Variants in EYA1 observed in about 807,000 individuals in gnomAD.
The protein encoded by EYA1 is EYA transcriptional coactivator and phosphatase 1, also known as protein phosphatase EYA1.
In EYA1, 16 loss-of-function variants were observed where a neutral mutation model predicts 82.0. That is an observed-to-expected ratio of 0.20 (90% CI 0.13 to 0.30). The LOEUF (loss-of-function observed/expected upper bound fraction) is 0.30, where lower values mean the gene tolerates loss of function less well. EYA1 is among the 10% of genes least tolerant of loss of function. The pLI is 1.00. For synonymous variants in EYA1, 261 were observed against 264.4 expected (o/e 0.99, Z 0.12); for missense variants, 633 against 730.7 (o/e 0.87, Z 1.54).
intron 2 of EYA1, among the ~76,000 whole-genome samples, chr8:71,355,549 T>A (rs1027784560): frequency 2.0e-5 from 3 of 152,218 alleles, no homozygotes; most frequent in African/African-American, 7.2e-5. Context: ...AACATTATGA[T>A]GTCGGCTCAC....
intron 12 of EYA1, among the ~76,000 whole-genome samples, chr8:71,238,717 C>T (rs952530178): frequency 5.9e-5 from 9 of 151,910 alleles, no homozygotes; most frequent in Non-Finnish European, 1.2e-4. Flanking sequence ...AGTTGATTTT[C>T]TTCAGTCTTC....
At chr8:71,378,597 G>C (rs1018673238) in intron 2 of EYA1, among the ~76,000 whole-genome samples, 1 of 152,022 alleles carries the variant, frequency 6.6e-6, no homozygotes, top group African/African-American at 2.4e-5. Flanking sequence ...AAGTATATAT[G>C]GGTTATACTT....
chr8:71,490,444 C>A (rs74598231), intron 2 of EYA1, among the ~76,000 whole-genome samples: 2,467 of 152,182 alleles, frequency 0.016, 72 homozygotes, highest in African/African-American at 0.056. Flanking sequence ...ATAAACAGAA[C>A]TATAAAGGCT....
chr8:71,397,861 C>T (rs1046667863), intron 2 of EYA1, among the ~76,000 whole-genome samples: 6 of 152,200 alleles, frequency 3.9e-5, no homozygotes, highest in African/African-American at 1.4e-4. Flanking sequence ...GGAAGTTCTC[C>T]TGGATAACAT....
chr8:71,458,508 G>T (rs1277624667), intron 2 of EYA1, among the ~76,000 whole-genome samples: 1 of 151,696 alleles, frequency 6.6e-6, no homozygotes, highest in Non-Finnish European at 1.5e-5. Flanking sequence ...TAACCACCAA[G>T]AACTGTTGAA....
chr8:71,373,780 TG>T (rs1828213284), intron 2 of EYA1, among the ~76,000 whole-genome samples: 1 of 152,128 alleles, frequency 6.6e-6, no homozygotes, highest in Admixed American at 6.5e-5. Flanking sequence ...GGTACTGGCC[TG>T]AAAACAGACA....
chr8:71,353,990 C>CA (rs1268869744), intron 3 of EYA1, among the ~76,000 whole-genome samples: 1 of 152,104 alleles, frequency 6.6e-6, no homozygotes, highest in Non-Finnish European at 1.5e-5. Flanking sequence ...CAATATGTAA[C>CA]ATATCTTTCC....
At chr8:71,263,449 CTT>C (rs1442249527) in intron 11 of EYA1, among the ~76,000 whole-genome samples, 3 of 152,326 alleles carry the variant, frequency 2.0e-5, no homozygotes, top group East Asian at 3.9e-4. Flanking sequence ...AGACAGATTT[CTT>C]TTGTTTGTGC....
intron 11 of EYA1, among the ~76,000 whole-genome samples, chr8:71,255,882 C>T (rs1046924853): frequency 6.6e-6 from 1 of 151,884 alleles, no homozygotes; most frequent in African/African-American, 2.4e-5. Flanking sequence ...AAAAAAAACC[C>T]TGATTTAAAA....
intron 2 of EYA1, among the ~76,000 whole-genome samples, chr8:71,457,997 G>A (rs928495373): frequency 6.6e-6 from 1 of 152,118 alleles, no homozygotes; most frequent in Non-Finnish European, 1.5e-5. Context: ...TTCAATTTTT[G>A]AGTCAGCATC....
At position 71,390,304 on chromosome 8, in the gene EYA1, T is replaced by C. The variant is rs139671102; in HGVS notation, c.34-33793A>G. Among the ~76,000 whole-genome samples the C allele has an allele frequency of 2.0e-3, 300 of 151,550 alleles. 1 individual carries two copies. Among genetic ancestry groups the C allele is most frequent in the African/African-American group, 6.8e-3 (279 of 41,280 alleles). ...TTTTTTTTTAGAGCCAGAGTCTCACTCTGTTGCCCAGGCTGGAGTGCAGTG... is the reference window on the plus strand; with the variant it reads ...TTTTTTTTTAGAGCCAGAGTCTCACCCTGTTGCCCAGGCTGGAGTGCAGTG... On this transcript the variant is annotated intron_variant, in intron 2 of 18. Transcript: ENST00000643681.
intron 2 of EYA1, among the ~76,000 whole-genome samples, chr8:71,494,022 C>CAAAAAAAAA (rs34340467): frequency 0.015 from 607 of 41,838 alleles, 50 homozygotes; most frequent in Non-Finnish European, 0.02. Context: ...GACTCCGTCT[C>CAAAAAAAAA]AAAAAAAAAA....
rs200550200 is a variant in EYA1 at position 71,447,193 on chromosome 8, T to C, written c.33+88551A>G. ...TTTTATCACTCACCCCAGACCTTCC[T>C]CCTCTTTGGGGTCTTCAGCTTTCTC... On this transcript the variant is annotated intron_variant, in intron 2 of 18. Transcript: ENST00000643681. Among the ~76,000 whole-genome samples the C allele has an allele frequency of 9.2e-5, 14 of 152,076 alleles. No individual in the cohort carries two copies. The East Asian group carries it at 2.7e-3, about 29-fold the overall frequency.
intron 2 of EYA1, among the ~76,000 whole-genome samples, chr8:71,397,720 C>T (rs927591147): frequency 1.3e-5 from 2 of 152,160 alleles, no homozygotes; most frequent in East Asian, 3.8e-4. Flanking sequence ...CTGCCCTTAA[C>T]ATTTTTTCCC....
intron 2 of EYA1, among the ~76,000 whole-genome samples, chr8:71,376,287 AT>A (rs1379761314): frequency 3.3e-5 from 5 of 152,228 alleles, no homozygotes; most frequent in Admixed American, 3.3e-4. Flanking sequence ...AGAAATGCGG[AT>A]AAAAGTGAAC....
chr8:71,323,242 C>G (rs960233115), intron 4 of EYA1, among the ~76,000 whole-genome samples: 16 of 152,046 alleles, frequency 1.1e-4, no homozygotes, highest in African/African-American at 3.6e-4. Flanking sequence ...CTCCAATTCT[C>G]TAATCTCTAT....
In EYA1 at chr8:71,538,186, C is replaced by T. The variant is rs1054245751; in HGVS notation, c.-72-2338G>A. Among the ~76,000 whole-genome samples, 8 of 152,262 alleles carry T rather than the reference C, an allele frequency of 5.3e-5. No individual in the cohort carries two copies. The East Asian group carries it at 1.5e-3, about 29-fold the overall frequency. ...CTGGCTCTGGTAAACCTTTAATTCCCTTGCTGGACTTGATCTTTCATGGTT... is the reference window on the plus strand; with the variant it reads ...CTGGCTCTGGTAAACCTTTAATTCCTTTGCTGGACTTGATCTTTCATGGTT... On this transcript the variant is annotated intron_variant, in intron 1 of 18. Transcript: ENST00000643681.
At chr8:71,313,599 A>G (rs1821592927) in intron 7 of EYA1, among the ~76,000 whole-genome samples, 1 of 152,214 alleles carries the variant, frequency 6.6e-6, no homozygotes, top group South Asian at 2.1e-4. Context: ...TCTCAATGAT[A>G]TCTCACAACA....
At chr8:71,216,598 A>T (rs1426127483) in intron 14 of EYA1, 94 bp downstream of exon 14, 2 of 1,276,742 alleles carry the variant, frequency 1.6e-6, no homozygotes, top group Non-Finnish European at 2.3e-6. Flanking sequence ...AGAAGCTATT[A>T]TATTCAAAGC....
Sources: gnomAD v4.1 joint callset for allele counts (sites outside exome capture counted in the v4.1 genomes callset) on GRCh38, gnomAD v4.1.1 for gene constraint, MANE v1.5 for transcripts, NCBI Gene and HGNC (gene_info 2026-07-23, HGNC 2026-07-21) for gene names.